The following NCOA4 variants were observed in gnomAD, a reference collection of about 807,000 sequenced individuals.
The protein encoded by NCOA4 is 70 kDa AR-activator.
A neutral mutation model predicts 69.5 loss-of-function variants in NCOA4; 31 were observed. The observed-to-expected ratio is 0.45, with a 90% CI of 0.34 to 0.60. The LOEUF (loss-of-function observed/expected upper bound fraction) is 0.60. Among genes scored for constraint, NCOA4 ranks in the 20% least tolerant of loss-of-function variants. The probability of loss-of-function intolerance (pLI) is 0.02; values close to 1 mark genes in which losing one functional copy is unlikely to be tolerated. For missense variants in NCOA4, 600 were observed against 719.2 expected (o/e 0.83, Z 1.90); for synonymous variants, 228 against 252.4 (o/e 0.90, Z 0.92).
Position 46,010,686 on chromosome 10 carries a change from C to T in NCOA4, c.1235G>A (p.Ser412Asn). 1 of 1,614,162 alleles carries T rather than the reference C, an allele frequency of 6.2e-7. No homozygotes were observed. Among genetic ancestry groups the T allele is most frequent in the Non-Finnish European group, 8.5e-7 (1 of 1,180,018 alleles). The change falls in exon 8 of 10, where the codon AGC becomes AAC. Residue 412 changes from serine to asparagine, a missense_variant. Transcript: ENST00000581486. Reference protein sequence around the residue: ...EVCRANEPCTSFAECVCDENC... With the variant: ...EVCRANEPCTNFAECVCDENC... ...CTCATCACACACACACTCTGCAAAG[C>T]TTGTGCAGGGCTCATTGGCTCTGCA...
At chr10:46,025,580 G>T (rs1391589697) in intron 1 of NCOA4, among the ~76,000 whole-genome samples, 2 of 152,206 alleles carry the variant, frequency 1.3e-5, no homozygotes, top group East Asian at 3.9e-4. Flanking sequence ...GCATAGGATA[G>T]TTTGGTTTAT....
At position 46,028,176 on chromosome 10, in the gene NCOA4, GGT is replaced by G. The variant is rs529446056; in HGVS notation, c.-15+2348_-15+2349del. On this transcript the variant is annotated intron_variant, in intron 1 of 9. Coordinates refer to ENST00000581486, the MANE Select transcript of NCOA4 (RefSeq NM_001145263.2). ...CGAGCCCAGGCCTTCACTTCCTTCA[GGT>G]GTCTGCTCAGAGGTCATCTTCTCAT... Among the ~76,000 whole-genome samples, 46 of 152,120 alleles carry G rather than the reference GGT, an allele frequency of 3.0e-4. No individual in the cohort carries two copies. The South Asian group carries it at 4.2e-3, about 14-fold the overall frequency.
intron 9 of NCOA4, among the ~76,000 whole-genome samples, chr10:46,007,579 C>CCCTTTTTTTTTT (rs1838911042): frequency 8.0e-6 from 1 of 125,674 alleles, no homozygotes; most frequent in Admixed American, 8.4e-5. Flanking sequence ...CAGCCAGTGA[C>CCCTTTTTTTTTT]TCTTTTTTTT....
At chr10:46,021,961 A>AAAAT (rs1171085192) in intron 1 of NCOA4, among the ~76,000 whole-genome samples, 47 of 152,268 alleles carry the variant, frequency 3.1e-4, no homozygotes, top group South Asian at 1.2e-3. Context: ...ATTCCATCTC[A>AAAAT]AAATAAATAA....
At chr10:46,023,580 C>G in intron 1 of NCOA4, 5 of 952,724 alleles carry the variant, frequency 5.2e-6, no homozygotes, top group Non-Finnish European at 6.2e-6. Context: ...CTGCAGCTCC[C>G]TCCCCGCTGG....
Position 46,006,544 on chromosome 10 carries a change from T to C in NCOA4, c.*48A>G. ...TGGCAAGCTGCAGTCACTCAGCTCATGATGTGTGATAATCAGCAGAAAGGC... is the reference window on the plus strand; with the variant it reads ...TGGCAAGCTGCAGTCACTCAGCTCACGATGTGTGATAATCAGCAGAAAGGC... On this transcript the variant is annotated 3_prime_UTR_variant, in exon 10 of 10. Transcript: ENST00000581486. 6.2e-7 allele frequency: 1 copy of C among 1,608,692 alleles called. No individual in the cohort carries two copies. Among genetic ancestry groups the C allele is most frequent in the Non-Finnish European group, 8.5e-7 (1 of 1,175,588 alleles).
chr10:46,006,262 G>A lies in NCOA4; in HGVS notation c.*330C>T, dbSNP rs1838803265. Reference sequence around the variant, plus strand: ...CTTCGATAAACAAGAGTGTTTTAATGTACTTTTAGTAACGACCCAATCTAA... The same window carrying A: ...CTTCGATAAACAAGAGTGTTTTAATATACTTTTAGTAACGACCCAATCTAA... On this transcript the variant is annotated 3_prime_UTR_variant, in exon 10 of 10. Transcript: ENST00000581486. 8.1e-6 allele frequency: 3 copies of A among 372,258 alleles called. No individual in the cohort carries two copies. Among genetic ancestry groups the A allele is most frequent in the African/African-American group, 2.0e-5 (1 of 50,372 alleles). 23.1% of individuals were successfully genotyped at this position (372,258 alleles called of 1,614,324 possible).
chr10:46,016,710 A>G lies in NCOA4; in HGVS notation c.-14-16T>C, dbSNP rs782313472. The G allele has an allele frequency of 6.4e-5, 89 of 1,386,794 alleles. No homozygotes were observed. The highest frequency in any genetic ancestry group is 1.0e-5 in the Non-Finnish European group (11 of 1,056,244). The allele number at this position is 1,386,794 out of a possible 1,614,324, so 85.9% of individuals were successfully genotyped here. On this transcript the variant is annotated splice_polypyrimidine_tract_variant and intron_variant, in intron 1 of 9. Transcript: ENST00000581486. The stretch of plus-strand genomic sequence containing the variant: ...CTCACTGCTCCTTTAAAAGAAAAAA[A>G]TATATATAAATAGCACCATAATTAC...
At chr10:46,018,192 A>C (rs927372860) in intron 1 of NCOA4, among the ~76,000 whole-genome samples, 2 of 152,246 alleles carry the variant, frequency 1.3e-5, no homozygotes, top group Non-Finnish European at 2.9e-5. Flanking sequence ...CCTGTATGAA[A>C]ACACACAAGA....
intron 1 of NCOA4, chr10:46,022,525 G>T (rs782510848): frequency 2.3e-6 from 1 of 442,372 alleles, no homozygotes; most frequent in South Asian, 1.7e-5. Flanking sequence ...GAGTGCAGTG[G>T]CGCGATCTCA....
rs113590757 is a variant in NCOA4, at chr10:46,011,028, T to C, written c.893A>G (p.Glu298Gly). The C allele has an allele frequency of 6.2e-7, 1 of 1,613,846 alleles. No individual in the cohort carries two copies. Among genetic ancestry groups the C allele is most frequent in the African/African-American group, 1.3e-5 (1 of 74,926 alleles). Residue 298 changes from glutamate to glycine, a missense_variant, in exon 8 of 10, where the codon GAG (glutamate) becomes GGG (glycine). Transcript: ENST00000581486. Reference protein sequence around the residue: ...VGDQELPDQDEMDLSDWLVTP... With the variant: ...VGDQELPDQDGMDLSDWLVTP... ...CACTAGCCAATCTGATAGGTCCATC[T>C]CATCTTGATCAGGAAGCTCTTGATC...
rs1554924749 is a variant in NCOA4, at chr10:46,022,755, G to A, written c.-14-6061C>T. 2.6e-5 allele frequency among the ~76,000 whole-genome samples: 4 copies of A among 152,042 alleles called. No homozygotes were observed. In the South Asian group the frequency reaches 8.3e-4, roughly 31 times the overall value. On this transcript the variant is annotated intron_variant, in intron 1 of 9. Coordinates refer to ENST00000581486, the MANE Select transcript of NCOA4 (RefSeq NM_001145263.2). ...GCTGGGATTACAAGCGTGAGCCACC[G>A]CGCCCGGCCTAAAGGTTGTTTTTTA...
At chr10:46,012,677 T>C (rs782253413) in intron 7 of NCOA4, among the ~76,000 whole-genome samples, 5 of 152,130 alleles carry the variant, frequency 3.3e-5, no homozygotes, top group African/African-American at 4.8e-5. Context: ...GTTTGTGGGC[T>C]TTTTTAATAT....
chr10:46,008,904 TTA>T (rs1839016709), intron 9 of NCOA4, among the ~76,000 whole-genome samples: 1 of 152,206 alleles, frequency 6.6e-6, no homozygotes, highest in South Asian at 2.1e-4. Flanking sequence ...AGCAAAACGA[TTA>T]TGTGTTAATG....
intron 5 of NCOA4, 87 bp from the exon 6 acceptor site, chr10:46,013,726 A>T: frequency 1.1e-6 from 1 of 887,162 alleles, no homozygotes; most frequent in Non-Finnish European, 1.8e-6. Flanking sequence ...AAAATGTTAA[A>T]GCATTACCAT....
chr10:46,012,530 G>A (rs1839296420), intron 7 of NCOA4, among the ~76,000 whole-genome samples: 1 of 151,308 alleles, frequency 6.6e-6, no homozygotes, highest in Admixed American at 6.6e-5. Flanking sequence ...ATGTTATCCT[G>A]GTGAAAAAAA....
At chr10:46,006,847 CCT>C (rs1406085467) in intron 9 of NCOA4, among the ~76,000 whole-genome samples, 16 of 152,184 alleles carry the variant, frequency 1.1e-4, no homozygotes, top group African/African-American at 3.9e-4. Context: ...CTCCCTGTTC[CCT>C]GAGACAAAAC....
At chr10:46,008,682 A>G (rs77678863) in intron 9 of NCOA4, among the ~76,000 whole-genome samples, 4,247 of 152,360 alleles carry the variant, frequency 0.028, 180 homozygotes, top group African/African-American at 0.095. Flanking sequence ...TAAAGCAGCA[A>G]CATGGTTTGA....
chr10:46,015,110 C>T lies in NCOA4; in HGVS notation c.282+16G>A, dbSNP rs1554922824. The T allele has an allele frequency of 6.2e-7, 1 of 1,614,052 alleles. No homozygotes were observed. The highest frequency in any genetic ancestry group is 1.3e-5 in the African/African-American group (1 of 74,920). On this transcript the variant is annotated intron_variant, in intron 3 of 9. Coordinates refer to ENST00000581486, the MANE Select transcript of NCOA4 (RefSeq NM_001145263.2). ...AAGCCATGCTCAAACCAATTCTAGC[C>T]ATGCAGTCACCTTACCGAGTAGAGC... is the stretch of plus-strand genomic sequence containing the variant.
Sources: gnomAD v4.1 joint callset for allele counts (sites outside exome capture counted in the v4.1 genomes callset) on GRCh38, gnomAD v4.1.1 for gene constraint, MANE v1.5 for transcripts, NCBI Gene and HGNC (gene_info 2026-07-23, HGNC 2026-07-21) for gene names.